LAMA5: variants seen among roughly 807,000 people sequenced by gnomAD.
The protein encoded by LAMA5 is laminin subunit alpha-5.
LAMA5 carries 260 observed loss-of-function variants against 433.4 expected under a neutral mutation model. The ratio of observed to expected loss-of-function variants is 0.60; its 90% CI spans 0.54 to 0.66. The LOEUF is 0.66. LAMA5 is among the 30% of genes least tolerant of loss of function. LAMA5 has a pLI of 0.00. For synonymous variants in LAMA5, 2,620 were observed against 2,226.6 expected (o/e 1.18, Z -4.97); for missense variants, 5,378 against 5,258.5 (o/e 1.02, Z -0.70).
intron 1 of LAMA5, among the ~76,000 whole-genome samples, chr20:62,363,769 T>G (rs1415196580): frequency 6.6e-6 from 1 of 151,942 alleles, no homozygotes; most frequent in South Asian, 2.1e-4. Context: ...GCTGGGGAGA[T>G]GCCTTCTCCC....
intron 40 of LAMA5, among the ~76,000 whole-genome samples, chr20:62,326,229 A>T (rs796646021): frequency 8.4e-5 from 6 of 71,676 alleles, no homozygotes; most frequent in African/African-American, 2.2e-4. Context: ...AAAAACAAAC[A>T]AACAAAAAAA....
chr20:62,358,590 G>A (rs994107834), intron 2 of LAMA5, among the ~76,000 whole-genome samples: 3 of 152,180 alleles, frequency 2.0e-5, no homozygotes, highest in Non-Finnish European at 4.4e-5. Flanking sequence ...TGAAGGGTGA[G>A]GCAGCCTGGG....
chr20:62,329,305 G>A (rs1979905099), intron 32 of LAMA5, 52 bp from the exon 33 acceptor site: 10 of 1,337,158 alleles, frequency 7.5e-6, no homozygotes, highest in Non-Finnish European at 1.1e-5. Flanking sequence ...CTGCAGCGGG[G>A]AGGCCCCCAG....
At chr20:62,365,421 G>C (rs959326022) in intron 1 of LAMA5, among the ~76,000 whole-genome samples, 31 of 152,210 alleles carry the variant, frequency 2.0e-4, no homozygotes, top group African/African-American at 7.5e-4. Flanking sequence ...CTTTACTCAC[G>C]AGACGGGGGT....
rs1402845770 is a variant in LAMA5 at position 62,359,457 on chromosome 20, G to A, written c.450+2943C>T. Among the ~76,000 whole-genome samples, 3 of 140,834 alleles carry A rather than the reference G, an allele frequency of 2.1e-5. No homozygotes were observed. Among genetic ancestry groups the A allele is most frequent in the African/African-American group, 5.2e-5 (2 of 38,256 alleles). The allele number at this position is 140,834 out of a possible 152,430, so 92.4% of individuals were successfully genotyped here. A position where few individuals can be genotyped will look rare whatever the true frequency, so the allele number is the denominator to read the frequency against. The stretch of plus-strand genomic sequence containing the variant: ...GCCATGTGCCTGGGCAGTCATGAAC[G>A]CGCTCACCCTTCCCTGGGCCTGGGG... On this transcript the variant is annotated intron_variant, in intron 2 of 79. Coordinates refer to ENST00000252999, the MANE Select transcript of LAMA5 (RefSeq NM_005560.6). This position sits in a 1 kb window ranked among gnomAD's most constrained non-coding sequence, Gnocchi z 4.3.
chr20:62,333,819 A>C, intron 23 of LAMA5, 82 bp downstream of exon 23: 1 of 845,986 alleles, frequency 1.2e-6, no homozygotes. Flanking sequence ...AGCCAGAGGA[A>C]GGTGGCGGGG....
In LAMA5 at chr20:62,346,852, C is replaced by A. The variant is rs749582599; in HGVS notation, c.1073-52G>T. On this transcript the variant is annotated intron_variant, in intron 7 of 79. Coordinates refer to ENST00000252999, the MANE Select transcript of LAMA5 (RefSeq NM_005560.6). Reference sequence around the variant, plus strand: ...GCACGCCCTCCACAGGCCCGGGCACCGGGGCCCTCTCATGGGCCAGGGTGT... The same window carrying A: ...GCACGCCCTCCACAGGCCCGGGCACAGGGGCCCTCTCATGGGCCAGGGTGT... 5.0e-6 allele frequency: 8 copies of A among 1,607,196 alleles called. No homozygotes were observed. The East Asian group carries it at 1.8e-4, about 36-fold the overall frequency.
At position 62,310,834 on chromosome 20, in the gene LAMA5, G is replaced by T. The variant is rs377621016; in HGVS notation, c.10282-5C>A. 5.7e-6 allele frequency: 9 copies of T among 1,572,630 alleles called. 1 individual carries two copies. The Admixed American group carries it at 1.6e-4, about 29-fold the overall frequency. ...CTTCTCCCAGCGCACGGAGACCTGG[G>T]GGCAGGAGATGGGTCAGGGTAGGGC... On this transcript the variant is annotated splice_region_variant and splice_polypyrimidine_tract_variant and intron_variant, in intron 74 of 79. Transcript: ENST00000252999.
rs1434470921 is a variant in LAMA5, at chr20:62,310,973, G to C, written c.10210C>G (p.Gln3404Glu). 2.5e-6 allele frequency: 4 copies of C among 1,611,400 alleles called. No individual in the cohort carries two copies. In the South Asian group the frequency reaches 4.4e-5, roughly 18 times the overall value. The stretch of plus-strand genomic sequence containing the variant: ...AGCCGAGTCCCGAGGCCTTCCATCT[G>C]TGCAACGAAGTGGCCATTGCTCAGG... ...LFLSNGHFVA[Q>E]MEGLGTRLRA... Residue 3404 changes from glutamine (Q) to glutamate (E), a missense_variant, in exon 74 of 80, where the codon CAG becomes GAG. Gln to Glu is a conservative substitution (Grantham distance 29). Transcript: ENST00000252999.
Position 62,310,009 on chromosome 20 carries a change from C to A in LAMA5, c.10807G>T (p.Gly3603Cys). The change falls in exon 78 of 80, where the codon GGC (glycine) becomes TGC (cysteine). Residue 3603 changes from glycine to cysteine, a missense_variant. Physicochemically the swap from Gly to Cys is radical, Grantham distance 159. Transcript: ENST00000252999. Reference sequence around the variant, plus strand: ...TCACCCGCTAGCCGGTGCCACTGGCCATCACACAGCACTGAGGGGCGGGTC... The same window carrying A: ...TCACCCGCTAGCCGGTGCCACTGGCAATCACACAGCACTGAGGGGCGGGTC... ...SVTRPSVLCD[G>C]QWHRLAVMKS... 1.2e-6 allele frequency: 2 copies of A among 1,611,378 alleles called. No homozygotes were observed. The highest frequency in any genetic ancestry group is 1.7e-6 in the Non-Finnish European group (2 of 1,179,730).
In LAMA5 at chr20:62,323,793, T is replaced by C. The variant is rs775095364; in HGVS notation, c.5832A>G (p.Ala1944=). 1.2e-6 allele frequency: 2 copies of C among 1,610,416 alleles called. No homozygotes were observed. The highest frequency in any genetic ancestry group is 2.2e-5 in the East Asian group (1 of 44,772). ...CAGCTCACCGCTCGCAGGAGGCACCTGCATAACCAGGTTTGCAGAGGCACT... is the reference window on the plus strand; with the variant it reads ...CAGCTCACCGCTCGCAGGAGGCACCCGCATAACCAGGTTTGCAGAGGCACT... ...RTQCLCKPGY[A]GASCERCAPG... The change falls in exon 44 of 80, where the codon GCA becomes GCG. Residue 1944 remains alanine (A), a synonymous_variant. Coordinates refer to ENST00000252999, the MANE Select transcript of LAMA5 (RefSeq NM_005560.6).
rs756005666 is a variant in LAMA5 at position 62,362,448 on chromosome 20, G to A, written c.402C>T (p.Ser134=). ...TERWWQSPPL[S]RGLEYNEVNV... is the part of the protein sequence containing the mutation. The stretch of plus-strand genomic sequence containing the variant: ...TGACCTCGTTGTACTCCAGGCCGCG[G>A]GACAGCGGTGGACTCTGCCACCAGC... The change falls in exon 2 of 80, where the codon TCC becomes TCT. Residue 134 remains serine (S), a synonymous_variant. Transcript: ENST00000252999. 2.5e-6 allele frequency: 4 copies of A among 1,593,398 alleles called. No homozygotes were observed. Among genetic ancestry groups the A allele is most frequent in the African/African-American group, 2.7e-5 (2 of 74,372 alleles).
At chr20:62,321,245 G>GAAGA in intron 48 of LAMA5, among the ~76,000 whole-genome samples, 1 of 117,700 alleles carries the variant, frequency 8.5e-6, no homozygotes, top group African/African-American at 3.6e-5. Context: ...GCCTGTGGAG[G>GAAGA]GGTGGGGCCA....
rs990661488 is a variant in LAMA5, at chr20:62,334,614, C to T, written c.2490G>A (p.Arg830=). The T allele has an allele frequency of 5.8e-6, 9 of 1,546,496 alleles. No homozygotes were observed. Among genetic ancestry groups the T allele is most frequent in the Non-Finnish European group, 7.8e-6 (9 of 1,146,520 alleles). ...QADYFGCRSC[R]CDIGGALGQS... Reference sequence around the variant, plus strand: ...GGCCCAGTGCACCGCCAATGTCACACCGGCAGCCTGCAGGGAGAAGGTGGG... The same window carrying T: ...GGCCCAGTGCACCGCCAATGTCACATCGGCAGCCTGCAGGGAGAAGGTGGG... Residue 830 remains arginine (R), a synonymous_variant, in exon 21 of 80, where the codon CGG becomes CGA. Transcript: ENST00000252999.
rs1015655131 is a variant in LAMA5, at chr20:62,312,163, G to C, written c.9504+10C>G. On this transcript the variant is annotated intron_variant, in intron 69 of 79. Transcript: ENST00000252999. ...CGGGGTGGGGAATGGGCACGGGTGT[G>C]AGGTCTCACCGGGGACGCCCGGTAG... is the stretch of plus-strand genomic sequence containing the variant. 1 of 1,610,880 alleles carries C rather than the reference G, an allele frequency of 6.2e-7. No homozygotes were observed. Among genetic ancestry groups the C allele is most frequent in the Admixed American group, 1.7e-5 (1 of 59,648 alleles).
chr20:62,337,567 C>G, intron 16 of LAMA5, 23 bp downstream of exon 16: 1 of 1,581,364 alleles, frequency 6.3e-7, no homozygotes, highest in Non-Finnish European at 8.6e-7. Flanking sequence ...GCACCTGGTG[C>G]ACACAGCCAC....
At position 62,333,493 on chromosome 20, in the gene LAMA5, A is replaced by AGGTGGTGCTGAGAGT; in HGVS notation, c.3022-27_3022-13dup. ...AGAACCACGTAGTCCTGCAGGGTGG[A>AGGTGGTGCTGAGAGT]GGTGGTGCTGAGAGTGGTGGGCCCC... On this transcript the variant is annotated splice_polypyrimidine_tract_variant and intron_variant, in intron 24 of 79. Coordinates refer to ENST00000252999, the MANE Select transcript of LAMA5 (RefSeq NM_005560.6). 2 of 1,607,940 alleles carry AGGTGGTGCTGAGAGT rather than the reference A, an allele frequency of 1.2e-6. No homozygotes were observed. Among genetic ancestry groups the AGGTGGTGCTGAGAGT allele is most frequent in the South Asian group, 1.1e-5 (1 of 89,944 alleles).
intron 21 of LAMA5, 54 bp downstream of exon 21, chr20:62,334,468 G>A (rs1981160357): frequency 1.3e-6 from 2 of 1,520,358 alleles, no homozygotes; most frequent in Non-Finnish European, 8.9e-7. Flanking sequence ...GAGAGGCCCG[G>A]AGGACAAGCT....
In LAMA5 at chr20:62,318,846, T is replaced by G. The variant is rs111438443; in HGVS notation, c.7039A>C (p.Arg2347=). The G allele has an allele frequency of 1.2e-5, 19 of 1,609,890 alleles. No homozygotes were observed. The African/African-American group carries it at 1.2e-4, about 10-fold the overall frequency. Residue 2347 remains arginine (R), a synonymous_variant, in exon 52 of 80, where the codon AGA becomes CGA. Transcript: ENST00000252999. The part of the protein sequence containing the change: ...AAEAELAAAQ[R]LLARVQEQLS... ...TGCCAGGGACAACACCACTCACATCTCTGTGCTGCAGCCAACTCAGCCTCA... is the reference window on the plus strand; with the variant it reads ...TGCCAGGGACAACACCACTCACATCGCTGTGCTGCAGCCAACTCAGCCTCA...
Sources: allele counts gnomAD v4.1 joint callset (sites outside exome capture counted in the v4.1 genomes callset), GRCh38; gene constraint gnomAD v4.1.1; non-coding constraint Gnocchi (gnomAD v3.1); transcripts MANE v1.5; gene names NCBI Gene and HGNC (gene_info 2026-07-23, HGNC 2026-07-21).